TPX2: variants seen among roughly 807,000 people sequenced by gnomAD.
TPX2 encodes the protein TPX2 microtubule nucleation factor.
TPX2 carries 21 observed loss-of-function variants against 93.6 expected under a neutral mutation model. The observed-to-expected ratio is 0.22, with a 90% CI of 0.16 to 0.32. TPX2 has a LOEUF of 0.32. Among genes scored for constraint, TPX2 ranks in the 10% least tolerant of loss-of-function variants. The pLI is 1.00. For missense variants in TPX2, 776 were observed against 871.1 expected (o/e 0.89, Z 1.37); for synonymous variants, 281 against 298.3 (o/e 0.94, Z 0.60).
chr20:31,801,286 A>G lies in TPX2; in HGVS notation c.*206A>G, dbSNP rs2062170545. ...TTACATTACTAAGGCTAATAATGAGATGTAACTCATGAATGTCTCGATTAG... is the reference window on the plus strand; with the variant it reads ...TTACATTACTAAGGCTAATAATGAGGTGTAACTCATGAATGTCTCGATTAG... On this transcript the variant is annotated 3_prime_UTR_variant, in exon 18 of 18. Coordinates refer to ENST00000300403, the MANE Select transcript of TPX2 (RefSeq NM_012112.5). 1.9e-6 allele frequency: 1 copy of G among 526,404 alleles called. No homozygotes were observed. The highest frequency in any genetic ancestry group is 2.4e-5 in the South Asian group (1 of 41,792). 32.6% of individuals were successfully genotyped at this position (526,404 alleles called of 1,614,324 possible).
At chr20:31,787,534 G>A (rs879248162) in intron 12 of TPX2, among the ~76,000 whole-genome samples, 2 of 152,070 alleles carry the variant, frequency 1.3e-5, no homozygotes, top group Non-Finnish European at 2.9e-5. Context: ...TTTTGCTAAG[G>A]TTAAGGATGC....
chr20:31,780,768 G>T (rs1035610532), intron 10 of TPX2, among the ~76,000 whole-genome samples: 2 of 152,146 alleles, frequency 1.3e-5, no homozygotes, highest in African/African-American at 4.8e-5. Flanking sequence ...ATGAGTGGTG[G>T]TGATGTCTTA....
At position 31,770,362 on chromosome 20, in the gene TPX2, G is replaced by C. The variant is rs2061957726; in HGVS notation, c.376G>C (p.Ala126Pro). 1 of 1,596,118 alleles carries C rather than the reference G, an allele frequency of 6.3e-7. No homozygotes were observed. The highest frequency in any genetic ancestry group is 8.5e-7 in the Non-Finnish European group (1 of 1,170,946). ...CCATAGAAGATCTCTTAGGCTTTCT[G>C]CTCAGAAGGATTTGGAACAGAAAGA... Reference protein sequence around the residue: ...QPQRRSLRLSAQKDLEQKEKH... With the variant: ...QPQRRSLRLSPQKDLEQKEKH... Residue 126 changes from alanine (A) to proline (P), a missense_variant, in exon 6 of 18, where the codon GCT (alanine) becomes CCT (proline). Coordinates refer to ENST00000300403, the MANE Select transcript of TPX2 (RefSeq NM_012112.5).
rs2062004414 is a variant in TPX2 at position 31,777,011 on chromosome 20, A to T, written c.731-476A>T. Among the ~76,000 whole-genome samples the T allele has an allele frequency of 2.0e-5, 3 of 152,182 alleles. No individual in the cohort carries two copies. The South Asian group carries it at 6.2e-4, about 32-fold the overall frequency. ...GGAAAAATATGACTGAGAGAGCTGA[A>T]GGGGTCACAGTTCTGCTTTGCTCGG... On this transcript the variant is annotated intron_variant, in intron 8 of 17. Transcript: ENST00000300403.
chr20:31,747,685 A>G (rs1315984682), intron 2 of TPX2, among the ~76,000 whole-genome samples: 3 of 151,080 alleles, frequency 2.0e-5, no homozygotes, highest in Non-Finnish European at 4.4e-5. Flanking sequence ...AAGCTGTGGT[A>G]GATTCAGATA....
In TPX2 at chr20:31,793,982, G is replaced by A; in HGVS notation, c.1644G>A (p.Gln548=). The A allele has an allele frequency of 6.2e-7, 1 of 1,613,060 alleles. No individual in the cohort carries two copies. Among genetic ancestry groups the A allele is most frequent in the Non-Finnish European group, 8.5e-7 (1 of 1,179,730 alleles). Residue 548 remains glutamine, a synonymous_variant, in exon 14 of 18, where the codon CAG becomes CAA. Coordinates refer to ENST00000300403, the MANE Select transcript of TPX2 (RefSeq NM_012112.5). The part of the protein sequence containing the change: ...FSFDSRDKER[Q]LQKEKKIKEL... ...TTGATTCTCGAGACAAAGAACGTCA[G>A]TTACAGAAGGAGAAGAAAATAAAAG...
intron 12 of TPX2, among the ~76,000 whole-genome samples, chr20:31,790,890 AC>A (rs984657137): frequency 6.6e-6 from 1 of 152,198 alleles, no homozygotes; most frequent in Non-Finnish European, 1.5e-5. Context: ...AAAACCATAT[AC>A]AATGGGATAA....
intron 13 of TPX2, among the ~76,000 whole-genome samples, chr20:31,793,609 A>G (rs1231802812): frequency 6.6e-6 from 1 of 152,188 alleles, no homozygotes; most frequent in Non-Finnish European, 1.5e-5. Flanking sequence ...GTTAGATCTT[A>G]TTTAGTTTTT....
chr20:31,771,015 A>G (rs906838275), intron 6 of TPX2, among the ~76,000 whole-genome samples: 2 of 148,448 alleles, frequency 1.3e-5, no homozygotes, highest in Non-Finnish European at 3.0e-5. Flanking sequence ...TAGGTGTTAT[A>G]TTTATGTTTA....
chr20:31,780,948 C>T (rs747109797), intron 10 of TPX2: 2 of 410,480 alleles, frequency 4.9e-6, no homozygotes, highest in African/African-American at 2.1e-5. Context: ...GAGACAGGGT[C>T]TTGCTCCGTC....
chr20:31,780,945 G>T, intron 10 of TPX2: 1 of 406,308 alleles, frequency 2.5e-6, no homozygotes, highest in Non-Finnish European at 4.8e-6. Context: ...TTAGAGACAG[G>T]GTCTTGCTCC....
At chr20:31,790,670 A>G (rs2062094675) in intron 12 of TPX2, among the ~76,000 whole-genome samples, 1 of 152,204 alleles carries the variant, frequency 6.6e-6, no homozygotes, top group Non-Finnish European at 1.5e-5. Flanking sequence ...CCTAGAGTCC[A>G]AGGTATAAAT....
chr20:31,751,617 A>C (rs2061820196), intron 2 of TPX2, among the ~76,000 whole-genome samples: 1 of 152,194 alleles, frequency 6.6e-6, no homozygotes, highest in Non-Finnish European at 1.5e-5. Context: ...GTAGGCAGAG[A>C]ATTAGTGACT....
chr20:31,770,919 A>G (rs1004561251), intron 6 of TPX2, among the ~76,000 whole-genome samples: 2 of 100,588 alleles, frequency 2.0e-5, no homozygotes, highest in Admixed American at 2.2e-4. Context: ...TTTTTTTCGT[A>G]CTTGTTCTTC....
intron 12 of TPX2, among the ~76,000 whole-genome samples, chr20:31,787,319 T>C (rs948428492): frequency 6.6e-6 from 1 of 151,444 alleles, no homozygotes; most frequent in African/African-American, 2.4e-5. Context: ...AAATGAGGTT[T>C]CTGAGTTTGA....
intron 11 of TPX2, among the ~76,000 whole-genome samples, chr20:31,782,920 A>T (rs2062042760): frequency 6.6e-6 from 1 of 151,734 alleles, no homozygotes; most frequent in Non-Finnish European, 1.5e-5. Context: ...ACACACACAC[A>T]CACACACACA....
intron 12 of TPX2, among the ~76,000 whole-genome samples, chr20:31,790,873 C>G (rs2062096088): frequency 1.3e-5 from 2 of 152,118 alleles, no homozygotes; most frequent in South Asian, 4.1e-4. Context: ...TTTGTATGGA[C>G]TGTGATAAAA....
intron 12 of TPX2, among the ~76,000 whole-genome samples, chr20:31,786,923 C>A (rs1012980077): frequency 5.9e-5 from 9 of 152,046 alleles, no homozygotes; most frequent in African/African-American, 2.2e-4. Context: ...ATACGATTTG[C>A]GGAATGGAAG....
rs1235393844 is a variant in TPX2, at chr20:31,757,528, A to T, written c.52A>T (p.Asn18Tyr). 6.2e-7 allele frequency: 1 copy of T among 1,614,094 alleles called. No individual in the cohort carries two copies. Among genetic ancestry groups the T allele is most frequent in the South Asian group, 1.1e-5 (1 of 91,080 alleles). The change falls in exon 3 of 18, where the codon AAT becomes TAT. Residue 18 changes from asparagine (N) to tyrosine (Y), a missense_variant. By Grantham distance (143) the Asn-to-Tyr change is moderately radical. Coordinates refer to ENST00000300403, the MANE Select transcript of TPX2 (RefSeq NM_012112.5). ...YSYDAPSDFI[N>Y]FSSLDDEGDT... ...CTATGATGCCCCCTCGGATTTCATC[A>T]ATTTTTCATCCTTGGATGATGAAGG...
Sources: allele counts gnomAD v4.1 joint callset (sites outside exome capture counted in the v4.1 genomes callset), GRCh38; gene constraint gnomAD v4.1.1; transcripts MANE v1.5; gene names NCBI Gene and HGNC (gene_info 2026-07-23, HGNC 2026-07-21).